The following NRP2 variants were observed in gnomAD, a reference collection of about 807,000 sequenced individuals.
NRP2 encodes neuropilin-2.
In NRP2, 52 loss-of-function variants were observed where a neutral mutation model predicts 110.4. The observed-to-expected ratio is 0.47, with a 90% CI of 0.38 to 0.59. NRP2 has a LOEUF of 0.59. Ranked by LOEUF, NRP2 falls within the 20% of genes least tolerant of loss-of-function variation. The pLI is 0.00. For missense variants in NRP2, 1,049 were observed against 1,203.0 expected, an observed-to-expected ratio of 0.87 and a Z score of 1.89; for synonymous variants, 508 against 468.9, an observed-to-expected ratio of 1.08 and a Z score of -1.08.
intron 7 of NRP2, among the ~76,000 whole-genome samples, chr2:205,737,382 C>A (rs2057364384): frequency 6.6e-6 from 1 of 152,184 alleles, no homozygotes; most frequent in African/African-American, 2.4e-5. Context: ...GAGAACCCTA[C>A]AAATCAACTC....
chr2:205,774,631 G>A (rs1477447450), intron 15 of NRP2, among the ~76,000 whole-genome samples: 2 of 152,190 alleles, frequency 1.3e-5, no homozygotes, highest in Non-Finnish European at 2.9e-5. Flanking sequence ...CTAAGAAGTT[G>A]AGCAGGCTTT....
intron 15 of NRP2, among the ~76,000 whole-genome samples, chr2:205,789,626 T>C (rs934591672): frequency 1.3e-5 from 2 of 152,204 alleles, no homozygotes; most frequent in African/African-American, 4.8e-5. Flanking sequence ...ACCCTCTGCC[T>C]TGGGCTCCTA....
rs1419530784 is a variant in NRP2, at chr2:205,683,219, A to C, written c.-72A>C. Reference sequence around the variant, plus strand: ...TAAGACGTTGTAAGGAGGAAAATAAAAGAGAGAAAAACACAAAGATTTAAA... The same window carrying C: ...TAAGACGTTGTAAGGAGGAAAATAACAGAGAGAAAAACACAAAGATTTAAA... On this transcript the variant is annotated 5_prime_UTR_variant, in exon 1 of 17. Transcript: ENST00000357785. The C allele has an allele frequency of 8.7e-7, 1 of 1,148,320 alleles. No homozygotes were observed. Among genetic ancestry groups the C allele is most frequent in the Non-Finnish European group, 1.3e-6 (1 of 767,704 alleles). 71.1% of individuals were successfully genotyped at this position (1,148,320 alleles called of 1,614,324 possible). A position where few individuals can be genotyped will look rare whatever the true frequency, so the allele number is the denominator to read the frequency against.
At chr2:205,693,947 T>C (rs979300028) in intron 1 of NRP2, among the ~76,000 whole-genome samples, 1 of 152,248 alleles carries the variant, frequency 6.6e-6, no homozygotes, top group Admixed American at 6.5e-5. Flanking sequence ...CCAGTGTTCC[T>C]TTAAAACAAT....
chr2:205,729,444 G>A lies in NRP2; in HGVS notation c.1146+1398G>A, dbSNP rs150044956. On this transcript the variant is annotated intron_variant, in intron 7 of 16. Coordinates refer to ENST00000357785, the MANE Select transcript of NRP2 (RefSeq NM_003872.3). Reference sequence around the variant, plus strand: ...AATGCCCAGCCTGAATTGGCACTGGGTGCCAGGAGCTTGGGGGCTGAGACC... The same window carrying A: ...AATGCCCAGCCTGAATTGGCACTGGATGCCAGGAGCTTGGGGGCTGAGACC... Among the ~76,000 whole-genome samples the A allele has an allele frequency of 4.3e-3, 662 of 152,334 alleles. 2 individuals are homozygous for A. The highest frequency in any genetic ancestry group is 0.015 in the African/African-American group (637 of 41,572).
intron 1 of NRP2, among the ~76,000 whole-genome samples, chr2:205,696,739 G>C (rs1280774848): frequency 1.3e-5 from 2 of 152,216 alleles, no homozygotes; most frequent in Admixed American, 1.3e-4. Context: ...ACACTCTGGT[G>C]GTGGTGACCA....
rs573592065 is a variant in NRP2 at position 205,794,893 on chromosome 2, C to A, written c.2616C>A (p.Val872=). Residue 872 remains valine (V), a synonymous_variant, in exon 17 of 17, where the codon GTC becomes GTA. Transcript: ENST00000357785. ...ITIIAMSSLG[V]LLGATCAGLL... is the part of the protein sequence containing the mutation. ...TCATCGCCATGAGCTCACTGGGCGTCCTCCTGGGGGCCACCTGTGCAGGCC... is the reference window on the plus strand; with the variant it reads ...TCATCGCCATGAGCTCACTGGGCGTACTCCTGGGGGCCACCTGTGCAGGCC... 1.2e-6 allele frequency: 2 copies of A among 1,614,192 alleles called. No individual in the cohort carries two copies. Among genetic ancestry groups the A allele is most frequent in the South Asian group, 2.2e-5 (2 of 91,086 alleles).
At chr2:205,697,755 C>G in intron 2 of NRP2, 34 bp downstream of exon 2, 1 of 1,594,612 alleles carries the variant, frequency 6.3e-7, no homozygotes, top group Non-Finnish European at 8.6e-7. Context: ...TGTATCCCAT[C>G]CATGAGATGC....
intron 12 of NRP2, chr2:205,761,902 A>G (rs1294966375): frequency 6.6e-6 from 1 of 152,226 alleles, no homozygotes; most frequent in Non-Finnish European, 1.5e-5. Context: ...ATGACATGAA[A>G]TATTGCATGT....
At chr2:205,782,056 G>A (rs565732022) in intron 15 of NRP2, among the ~76,000 whole-genome samples, 2 of 137,224 alleles carry the variant, frequency 1.5e-5, no homozygotes, top group East Asian at 2.3e-4. Context: ...TTGGGAAATC[G>A]CCAAGAGCAA....
chr2:205,769,503 CAT>C (rs1392233125), intron 15 of NRP2, among the ~76,000 whole-genome samples: 7 of 115,244 alleles, frequency 6.1e-5, no homozygotes, highest in African/African-American at 1.1e-4. Context: ...TATATACATA[CAT>C]ACACACACAC....
chr2:205,770,003 C>A (rs2057993272), intron 15 of NRP2, among the ~76,000 whole-genome samples: 1 of 152,130 alleles, frequency 6.6e-6, no homozygotes, highest in African/African-American at 2.4e-5. Context: ...TAGCAGCTCA[C>A]CTTGGAGGCA....
intron 2 of NRP2, among the ~76,000 whole-genome samples, chr2:205,710,112 T>G (rs2056766963): frequency 6.6e-6 from 1 of 152,184 alleles, no homozygotes; most frequent in African/African-American, 2.4e-5. Context: ...TTACACCCAT[T>G]TTGTGGAAAC....
chr2:205,750,786 T>C (rs189465616), intron 11 of NRP2, among the ~76,000 whole-genome samples: 3 of 152,252 alleles, frequency 2.0e-5, no homozygotes, highest in South Asian at 4.1e-4. Flanking sequence ...GACATAAAGA[T>C]ATAGGTAGAT....
Position 205,794,926 on chromosome 2 carries a change from C to A in NRP2, c.2649C>A (p.Leu883=). 1 of 1,614,182 alleles carries A rather than the reference C, an allele frequency of 6.2e-7. No homozygotes were observed. Among genetic ancestry groups the A allele is most frequent in the Non-Finnish European group, 8.5e-7 (1 of 1,180,018 alleles). The part of the protein sequence containing the change: ...LLGATCAGLL[L]YCTCSYSGLS... ...GGGCCACCTGTGCAGGCCTCCTGCT[C>A]TACTGCACCTGTTCCTACTCGGGCC... The change falls in exon 17 of 17, where the codon CTC becomes CTA. Residue 883 remains leucine (L), a synonymous_variant. Coordinates refer to ENST00000357785, the MANE Select transcript of NRP2 (RefSeq NM_003872.3).
At chr2:205,752,110 C>A (rs1436204989) in intron 11 of NRP2, among the ~76,000 whole-genome samples, 3 of 152,206 alleles carry the variant, frequency 2.0e-5, no homozygotes, top group Admixed American at 6.5e-5. Flanking sequence ...GCATTCTCTA[C>A]CTCCCGGGGT....
chr2:205,749,636 C>A, intron 10 of NRP2, 89 bp from the exon 11 acceptor site: 2 of 1,046,884 alleles, frequency 1.9e-6, no homozygotes, highest in Non-Finnish European at 3.0e-6. Context: ...TCTTCTTTCC[C>A]TTCTCTAGAG....
chr2:205,775,619 G>A (rs565376959), intron 15 of NRP2, among the ~76,000 whole-genome samples: 4 of 152,324 alleles, frequency 2.6e-5, no homozygotes, highest in Admixed American at 6.5e-5. Context: ...GTCTAGGCAA[G>A]ACCAGGCTAA....
chr2:205,790,516 C>A (rs1320838894), intron 15 of NRP2, among the ~76,000 whole-genome samples: 1 of 152,138 alleles, frequency 6.6e-6, no homozygotes, highest in Non-Finnish European at 1.5e-5. Flanking sequence ...GCAGGAGCCC[C>A]GTGGTTCTCA....
Sources: gnomAD v4.1 joint callset for allele counts (sites outside exome capture counted in the v4.1 genomes callset) on GRCh38, gnomAD v4.1.1 for gene constraint, MANE v1.5 for transcripts, NCBI Gene and HGNC (gene_info 2026-07-23, HGNC 2026-07-21) for gene names.